Variants in ASB4 observed in about 807,000 individuals in gnomAD.
ASB4 encodes ankyrin repeat and SOCS box protein 4.
In ASB4, 35 loss-of-function variants were observed where a neutral mutation model predicts 38.6. The observed-to-expected ratio is 0.91, with a 90% CI of 0.69 to 1.20. The LOEUF (loss-of-function observed/expected upper bound fraction) is 1.20, where lower values mean the gene tolerates loss of function less well. Among genes scored for constraint, ASB4 ranks in the 50% most tolerant of loss-of-function variants. The pLI, the probability that ASB4 is intolerant of heterozygous loss-of-function variation, is 0.00. For synonymous variants in ASB4, 195 were observed against 201.3 expected, an observed-to-expected ratio of 0.97 and a Z score of 0.26; for missense variants, 557 against 527.2, an observed-to-expected ratio of 1.06 and a Z score of -0.55.
Position 95,537,604 on chromosome 7 carries a change from G to T in ASB4, c.1126G>T (p.Val376Leu). ...GGATTTTTACCACTCTCTCTTTACT[G>T]TGTGCTGTAACTCTCCAAGGACTCT... ...YWDFYHSLFT[V>L]CCNSPRTLMH... The change falls in exon 5 of 5, where the codon GTG becomes TTG. Residue 376 changes from valine (V) to leucine (L), a missense_variant. By Grantham distance (32) the Val-to-Leu change is conservative. Coordinates refer to ENST00000325885, the MANE Select transcript of ASB4 (RefSeq NM_016116.3). 6.2e-7 allele frequency: 1 copy of T among 1,610,102 alleles called. No individual in the cohort carries two copies. Among genetic ancestry groups the T allele is most frequent in the Non-Finnish European group, 8.5e-7 (1 of 1,177,960 alleles).
At chr7:95,550,954 T>C in the ASB4 span, among the ~76,000 whole-genome samples, 1 of 152,292 alleles carries the variant, frequency 6.6e-6, no homozygotes, top group East Asian at 1.9e-4. Flanking sequence ...TTACCATGTT[T>C]TTTCCTCTAT....
intron 1 of ASB4, among the ~76,000 whole-genome samples, chr7:95,480,868 G>A (rs1218156249): frequency 6.6e-6 from 1 of 152,116 alleles, no homozygotes; most frequent in Non-Finnish European, 1.5e-5. Context: ...CTGGCTCATA[G>A]TAAGTTCCCA....
chr7:95,500,213 GA>G (rs1367842177), intron 2 of ASB4, among the ~76,000 whole-genome samples: 1 of 151,610 alleles, frequency 6.6e-6, no homozygotes, highest in African/African-American at 2.4e-5. Context: ...AGGTTCGGGA[GA>G]AAAAAAATGG....
intron 3 of ASB4, among the ~76,000 whole-genome samples, chr7:95,535,669 A>G (rs1006199171): frequency 6.6e-6 from 1 of 152,236 alleles, no homozygotes; most frequent in Non-Finnish European, 1.5e-5. Flanking sequence ...GATTCTGGCC[A>G]TCTTGACTAA....
chr7:95,485,826 T>A, upstream of ASB4: 1 of 629,362 alleles, frequency 1.6e-6, no homozygotes, highest in Non-Finnish European at 2.6e-6. Context: ...TTTTGAAGTT[T>A]GAAATGATCC....
intron 3 of ASB4, among the ~76,000 whole-genome samples, chr7:95,532,243 C>T (rs1790828375): frequency 6.6e-6 from 1 of 152,284 alleles, no homozygotes; most frequent in East Asian, 1.9e-4. Context: ...TCCTTATTTA[C>T]AAGGAACAAG....
In ASB4 at chr7:95,536,464, A is replaced by T; in HGVS notation, c.1006A>T (p.Lys336Ter). The change falls in exon 4 of 5, where the codon AAA (lysine) becomes TAA (stop). Residue 336 changes from lysine (K) to a stop codon, truncating the protein, a stop_gained. Transcript: ENST00000325885. LOFTEE classifies it high-confidence loss of function. ...GATACAGGCCTGCCATTCTTGTCCTAAAGCAATTGAAGTTGTAGTCAATGC... is the reference window on the plus strand; with the variant it reads ...GATACAGGCCTGCCATTCTTGTCCTTAAGCAATTGAAGTTGTAGTCAATGC... ...KVIQACHSCP[K>*]AIEVVVNAYE... is the part of the protein sequence containing the mutation. 6.2e-7 allele frequency: 1 copy of T among 1,613,098 alleles called. No individual in the cohort carries two copies. The highest frequency in any genetic ancestry group is 8.5e-7 in the Non-Finnish European group (1 of 1,179,176).
At chr7:95,493,062 G>A (rs997691361) in intron 1 of ASB4, among the ~76,000 whole-genome samples, 3 of 152,116 alleles carry the variant, frequency 2.0e-5, no homozygotes, top group Non-Finnish European at 4.4e-5. Context: ...AGCCCAGACT[G>A]TCTATGACAC....
At chr7:95,497,716 C>A (rs1040487786) in intron 2 of ASB4, among the ~76,000 whole-genome samples, 2 of 152,142 alleles carry the variant, frequency 1.3e-5, no homozygotes, top group African/African-American at 4.8e-5. Flanking sequence ...TACAGACAAC[C>A]ACTGATGTTT....
Position 95,522,572 on chromosome 7 carries a change from C to T in ASB4, c.488-5241C>T, listed in dbSNP as rs960682239. Among the ~76,000 whole-genome samples the T allele has an allele frequency of 2.0e-5, 3 of 151,928 alleles. No individual in the cohort carries two copies. In the East Asian group the frequency reaches 5.8e-4, roughly 29 times the overall value. ...TAAAAGATTATGTGTAGATGATACTCTCTATGGCTTACACTGCAGCATAGG... is the reference window on the plus strand; with the variant it reads ...TAAAAGATTATGTGTAGATGATACTTTCTATGGCTTACACTGCAGCATAGG... On this transcript the variant is annotated intron_variant, in intron 2 of 4. Transcript: ENST00000325885.
chr7:95,515,209 CTTTCTTTCTT>C (rs1357332951), intron 2 of ASB4, among the ~76,000 whole-genome samples: 29 of 129,614 alleles, frequency 2.2e-4, no homozygotes, highest in African/African-American at 8.0e-4. Context: ...TTCTTTCTTT[CTTTCTTTCTT>C]TCTTTCTTTC....
intron 1 of ASB4, among the ~76,000 whole-genome samples, chr7:95,486,520 A>T (rs1790093465): frequency 6.6e-6 from 1 of 152,246 alleles, no homozygotes; most frequent in Non-Finnish European, 1.5e-5. Flanking sequence ...TATCTTAGAC[A>T]ATGTACCTGG....
intron 3 of ASB4, among the ~76,000 whole-genome samples, chr7:95,534,115 C>T (rs892474446): frequency 2.0e-5 from 3 of 152,086 alleles, no homozygotes; most frequent in Admixed American, 6.6e-5. Context: ...GATGCCTAGG[C>T]GGGCGGATTA....
At chr7:95,515,172 T>TCTTTCTTTCTTC (rs1790541554) in intron 2 of ASB4, among the ~76,000 whole-genome samples, 1 of 46,164 alleles carries the variant, frequency 2.2e-5, no homozygotes, top group South Asian at 7.3e-4. Context: ...TCTTTCTCTT[T>TCTTTCTTTCTTC]CTTTCTTTCT....
intron 1 of ASB4, among the ~76,000 whole-genome samples, chr7:95,493,152 G>T (rs1045482234): frequency 6.6e-6 from 1 of 152,034 alleles, no homozygotes; most frequent in African/African-American, 2.4e-5. Context: ...TAATATATTA[G>T]AATTTAATTC....
upstream of ASB4, among the ~76,000 whole-genome samples, chr7:95,485,581 C>T (rs1487716786): frequency 7.2e-5 from 11 of 152,086 alleles, no homozygotes; most frequent in East Asian, 5.8e-4. Context: ...CAGAGCAAGA[C>T]GCTGGATCTC....
At chr7:95,484,900 C>A (rs759982680), upstream of ASB4, among the ~76,000 whole-genome samples, 1 of 151,468 alleles carries the variant, frequency 6.6e-6, no homozygotes, top group Non-Finnish European at 1.5e-5. Context: ...ACTAGATTCA[C>A]CAAGTCTTTA....
Position 95,527,983 on chromosome 7 carries a change from C to T in ASB4, c.658C>T (p.Leu220Phe). The change falls in exon 3 of 5, where the codon CTC (leucine) becomes TTC (phenylalanine). Residue 220 changes from leucine (L) to phenylalanine (F), a missense_variant. Leu to Phe is a conservative substitution (Grantham distance 22). Transcript: ENST00000325885. ...TPLAIAAYWA[L>F]RFKEQEYSTE... ...CCTGGCCATCGCCGCCTACTGGGCC[C>T]TCCGCTTTAAGGAGCAGGAGTACAG... 1.2e-6 allele frequency: 2 copies of T among 1,614,132 alleles called. No individual in the cohort carries two copies. The highest frequency in any genetic ancestry group is 1.1e-5 in the South Asian group (1 of 91,078).
chr7:95,483,718 G>A (rs991133479), upstream of ASB4, among the ~76,000 whole-genome samples: 3 of 152,100 alleles, frequency 2.0e-5, no homozygotes, highest in East Asian at 5.8e-4. Context: ...AGTTACACAC[G>A]GGCAGGGATT....
Sources: allele counts gnomAD v4.1 joint callset (sites outside exome capture counted in the v4.1 genomes callset), GRCh38; gene constraint gnomAD v4.1.1; transcripts MANE v1.5; gene names NCBI Gene and HGNC (gene_info 2026-07-23, HGNC 2026-07-21).